SPATA13: variants seen among roughly 807,000 people sequenced by gnomAD.
SPATA13 encodes the protein spermatogenesis-associated protein 13.
In SPATA13, 50 loss-of-function variants were observed where a neutral mutation model predicts 104.0. The ratio of observed to expected loss-of-function variants is 0.48; its 90% CI spans 0.38 to 0.61. The LOEUF (loss-of-function observed/expected upper bound fraction) is 0.61. SPATA13 is among the 20% of genes least tolerant of loss of function. SPATA13 has a pLI of 0.00. For synonymous variants in SPATA13, 606 were observed against 667.5 expected (o/e 0.91, Z 1.42); for missense variants, 1,524 against 1,690.6 (o/e 0.90, Z 1.73).
At chr13:24,233,955 A>T (rs946761854) in intron 2 of SPATA13, among the ~76,000 whole-genome samples, 3 of 151,996 alleles carry the variant, frequency 2.0e-5, no homozygotes. Context: ...ACAAATGCAG[A>T]ATCTAAATAA....
intron 3 of SPATA13, among the ~76,000 whole-genome samples, chr13:24,124,406 C>T (rs79400694): frequency 6.6e-6 from 1 of 152,078 alleles, no homozygotes; most frequent in African/African-American, 2.4e-5. Context: ...AGGTGTAGAG[C>T]CCCGTCAGTG....
chr13:24,223,465 G>A lies in SPATA13; in HGVS notation c.536G>A (p.Gly179Asp), dbSNP rs1287329624. 6.5e-7 allele frequency: 1 copy of A among 1,550,118 alleles called. No homozygotes were observed. The highest frequency in any genetic ancestry group is 2.4e-5 in the East Asian group (1 of 40,906). Reference protein sequence around the residue: ...ACGALRPAEWGTLDGSDLEDT... With the variant: ...ACGALRPAEWDTLDGSDLEDT... ...GGTGCCCTCAGGCCAGCAGAGTGGG[G>A]CACATTGGATGGCTCCGACCTCGAG... is the stretch of plus-strand genomic sequence containing the variant. The change falls in exon 2 of 13, where the codon GGC becomes GAC. Residue 179 changes from glycine to aspartate, a missense_variant. This residue lies in a region of SPATA13 where 1,089 missense variants were observed against 1,135.9 expected (regional missense o/e 0.96). Coordinates refer to ENST00000382108, the MANE Select transcript of SPATA13 (RefSeq NM_001166271.3).
chr13:24,156,672 T>A (rs1882264441), upstream of SPATA13, among the ~76,000 whole-genome samples: 1 of 152,224 alleles, frequency 6.6e-6, no homozygotes, highest in Non-Finnish European at 1.5e-5. Context: ...CCTTATCCAT[T>A]CTAATCAATG....
chr13:24,281,604 C>T (rs1475136015), intron 4 of SPATA13, among the ~76,000 whole-genome samples: 1 of 150,594 alleles, frequency 6.6e-6, no homozygotes. Context: ...CAGAAGGGTT[C>T]TGGAAAGGAG....
chr13:24,180,114 T>C (rs959452656), intron 1 of SPATA13, among the ~76,000 whole-genome samples: 3 of 152,224 alleles, frequency 2.0e-5, no homozygotes, highest in Admixed American at 2.0e-4. Context: ...CTCCCTATTT[T>C]TGTCTAAGAG....
chr13:24,262,443 G>A (rs1186157148), intron 4 of SPATA13, among the ~76,000 whole-genome samples: 2 of 151,816 alleles, frequency 1.3e-5, no homozygotes, highest in Non-Finnish European at 2.9e-5. Context: ...AATAAAATAA[G>A]GCAGTAAGAA....
At chr13:24,101,488 GA>G (rs371809458) in intron 3 of SPATA13, among the ~76,000 whole-genome samples, 1,354 of 129,388 alleles carry the variant, frequency 0.01, 38 homozygotes, top group African/African-American at 0.034. Context: ...AAATTGTGGT[GA>G]AAAAAAACAA....
Position 24,024,389 on chromosome 13 carries a change from G to T in SPATA13, c.-112+6688G>T, listed in dbSNP as rs79933872. Among the ~76,000 whole-genome samples, 1,424 of 152,086 alleles carry T rather than the reference G, an allele frequency of 9.4e-3. 25 individuals carry two copies. The highest frequency in any genetic ancestry group is 0.032 in the African/African-American group (1,346 of 41,492). ...TGGATGGATGGATGGATGGATAGAT[G>T]GAATGAAGGAATGATGAACCAGGCT... is the stretch of plus-strand genomic sequence containing the variant. On this transcript the variant is annotated intron_variant, in intron 3 of 14. Coordinates refer to the SPATA13 transcript ENST00000424834.
chr13:24,037,129 G>A (rs1877712494), intron 3 of SPATA13, among the ~76,000 whole-genome samples: 1 of 144,496 alleles, frequency 6.9e-6, no homozygotes, highest in Non-Finnish European at 1.5e-5. Context: ...TTTTAATTAA[G>A]CTAATTGAAA....
intron 1 of SPATA13, among the ~76,000 whole-genome samples, chr13:24,197,051 A>G (rs971689632): frequency 1.3e-5 from 2 of 152,210 alleles, no homozygotes; most frequent in Non-Finnish European, 2.9e-5. Context: ...CAGCAACAGC[A>G]GGTGGCCAAA....
chr13:24,299,050 G>A (rs921300580), intron 11 of SPATA13, among the ~76,000 whole-genome samples: 3 of 152,170 alleles, frequency 2.0e-5, no homozygotes, highest in East Asian at 3.9e-4. Flanking sequence ...CATTGGAATA[G>A]GGCTAATCAC....
In SPATA13 at chr13:24,018,604, C is replaced by T. The variant is rs116272445; in HGVS notation, c.-112+903C>T. 4.0e-3 allele frequency among the ~76,000 whole-genome samples: 612 copies of T among 152,296 alleles called. 5 individuals are homozygous for T. The highest frequency in any genetic ancestry group is 0.014 in the African/African-American group (593 of 41,566). ...TACGCATTAATAGCCAATGATGACA[C>T]AGAGGCACAGCTAATTGGCGAGGTG... On this transcript the variant is annotated intron_variant, in intron 3 of 14. Coordinates refer to the SPATA13 transcript ENST00000424834.
intron 3 of SPATA13, among the ~76,000 whole-genome samples, chr13:24,138,754 T>TC (rs1435646472): frequency 6.8e-6 from 1 of 146,954 alleles, no homozygotes; most frequent in African/African-American, 2.5e-5. Context: ...TGGCTAATTT[T>TC]TTTTTTTTTT....
chr13:24,192,990 T>G (rs1869854948), intron 1 of SPATA13, among the ~76,000 whole-genome samples: 2 of 152,140 alleles, frequency 1.3e-5, no homozygotes. Context: ...ACATTATAAG[T>G]GCTCTTTAAG....
In SPATA13 at chr13:24,071,642, A is replaced by G. The variant is rs75252439; in HGVS notation, c.-112+53941A>G. ...GTTCCTTTGGTGTCTGACCGTACAT[A>G]CAAACAGGCACACCCTGCATTGAAT... is the stretch of plus-strand genomic sequence containing the variant. On this transcript the variant is annotated intron_variant, in intron 3 of 14. Coordinates refer to the SPATA13 transcript ENST00000424834. 3.6e-3 allele frequency among the ~76,000 whole-genome samples: 549 copies of G among 152,350 alleles called. 15 individuals are homozygous for G. In the East Asian group the frequency reaches 0.062, roughly 17 times the overall value.
intron 4 of SPATA13, among the ~76,000 whole-genome samples, chr13:24,261,912 G>T (rs1874080529): frequency 6.6e-6 from 1 of 152,126 alleles, no homozygotes; most frequent in Non-Finnish European, 1.5e-5. Context: ...TCATTTTATA[G>T]TTCAAAATAC....
intron 3 of SPATA13, among the ~76,000 whole-genome samples, chr13:24,127,567 A>C (rs1881261501): frequency 6.6e-6 from 1 of 152,180 alleles, no homozygotes. Context: ...GCAAGAGCTC[A>C]AGAAATGAGA....
intron 3 of SPATA13, among the ~76,000 whole-genome samples, chr13:24,041,091 T>C (rs1877908973): frequency 6.6e-6 from 1 of 152,174 alleles, no homozygotes; most frequent in African/African-American, 2.4e-5. Flanking sequence ...TGTGCTCTTA[T>C]CTATAGGAAC....
chr13:24,001,810 G>GTGAGGAC (rs960985869), intron 2 of SPATA13, among the ~76,000 whole-genome samples: 1 of 152,100 alleles, frequency 6.6e-6, no homozygotes, highest in African/African-American at 2.4e-5. Context: ...GGGAGCAGGG[G>GTGAGGAC]TGAGGACTGA....
Sources: allele counts gnomAD v4.1 joint callset (sites outside exome capture counted in the v4.1 genomes callset), GRCh38; gene constraint gnomAD v4.1.1; regional missense constraint gnomAD v4.1.1; transcripts MANE v1.5; gene names NCBI Gene and HGNC (gene_info 2026-07-23, HGNC 2026-07-21).